EXT2: variants seen among roughly 807,000 people sequenced by gnomAD.
The protein encoded by EXT2 is exostosin-2.
Under a neutral mutation model 81.6 loss-of-function variants are expected in EXT2, and 53 were observed. The observed-to-expected ratio is 0.65, with a 90% CI of 0.52 to 0.82. The LOEUF is 0.82. Ranked by LOEUF, EXT2 falls within the 40% of genes least tolerant of loss-of-function variation. The probability of loss-of-function intolerance (pLI) is 0.00; values close to 1 mark genes in which losing one functional copy is unlikely to be tolerated. For missense variants in EXT2, 774 were observed against 910.2 expected (o/e 0.85, Z 1.93); for synonymous variants, 320 against 340.0 (o/e 0.94, Z 0.65).
chr11:44,171,569 T>A, intron 7 of EXT2, 42 bp from the exon 8 acceptor site: 5 of 1,613,998 alleles, frequency 3.1e-6, no homozygotes, highest in Non-Finnish European at 4.2e-6. Context: ...TTTCCCACTC[T>A]GTCTCGCTTG....
chr11:44,149,326 C>T (rs1954761630), intron 7 of EXT2, among the ~76,000 whole-genome samples: 1 of 152,206 alleles, frequency 6.6e-6, no homozygotes, highest in South Asian at 2.1e-4. Context: ...CATGCCACTG[C>T]ACTTCAGGCA....
chr11:44,124,444 T>C (rs1265428013), intron 4 of EXT2, among the ~76,000 whole-genome samples: 8 of 145,040 alleles, frequency 5.5e-5, no homozygotes, highest in Admixed American at 6.9e-5. Context: ...GTTTCTCTCC[T>C]ACACACACAC....
At chr11:44,200,454 G>A (rs1394621773) in intron 9 of EXT2, among the ~76,000 whole-genome samples, 5 of 152,120 alleles carry the variant, frequency 3.3e-5, no homozygotes, top group African/African-American at 1.2e-4. Context: ...TTTGAGCTTT[G>A]TCAGAAGAAA....
intron 9 of EXT2, among the ~76,000 whole-genome samples, chr11:44,204,369 T>C (rs1248663353): frequency 6.6e-6 from 1 of 152,158 alleles, no homozygotes; most frequent in Non-Finnish European, 1.5e-5. Flanking sequence ...ATACAGTAAA[T>C]AGACAATGTG....
intron 1 of EXT2, among the ~76,000 whole-genome samples, chr11:44,097,084 A>G (rs1326803679): frequency 1.3e-5 from 2 of 152,242 alleles, no homozygotes; most frequent in Non-Finnish European, 2.9e-5. Flanking sequence ...ATATTGGGCC[A>G]GGTACTTAAA....
chr11:44,222,747 A>G (rs900157452), intron 10 of EXT2, among the ~76,000 whole-genome samples: 1 of 152,184 alleles, frequency 6.6e-6, no homozygotes, highest in Non-Finnish European at 1.5e-5. Flanking sequence ...TATGACACCA[A>G]AAGCATGATC....
intron 10 of EXT2, among the ~76,000 whole-genome samples, chr11:44,225,129 T>C (rs1955824573): frequency 1.3e-5 from 2 of 152,222 alleles, no homozygotes; most frequent in South Asian, 4.1e-4. Flanking sequence ...GACCTGATCC[T>C]GACCCATCTC....
At position 44,126,881 on chromosome 11, in the gene EXT2, A is replaced by G. The variant is rs141977888; in HGVS notation, c.1005A>G (p.Leu335=). The change falls in exon 6 of 14, where the codon TTA becomes TTG. Residue 335 remains leucine (L), a synonymous_variant. Transcript: ENST00000533608. ...GCCAGGCAGTATTGAGCGATGTGTTACAAGCTGGCTGTGTCCCGGTTGTCA... is the reference window on the plus strand; with the variant it reads ...GCCAGGCAGTATTGAGCGATGTGTTGCAAGCTGGCTGTGTCCCGGTTGTCA... ...RLGQAVLSDV[L]QAGCVPVVIA... is the part of the protein sequence containing the mutation. 1.1e-4 allele frequency: 175 copies of G among 1,614,154 alleles called. No homozygotes were observed. The African/African-American group carries it at 1.8e-3, about 17-fold the overall frequency.
intron 7 of EXT2, among the ~76,000 whole-genome samples, chr11:44,146,122 G>A (rs1475405200): frequency 2.0e-5 from 3 of 152,150 alleles, no homozygotes; most frequent in Admixed American, 6.5e-5. Flanking sequence ...TCCTCTTCAC[G>A]TGTCGTCCCT....
intron 7 of EXT2, among the ~76,000 whole-genome samples, chr11:44,161,582 G>C (rs1021242477): frequency 2.0e-5 from 3 of 152,060 alleles, no homozygotes; most frequent in Non-Finnish European, 4.4e-5. Flanking sequence ...AAAATAGTGT[G>C]CTAAATTCTT....
intron 10 of EXT2, among the ~76,000 whole-genome samples, chr11:44,212,301 AAAT>A (rs1564978599): frequency 0.087 from 10,746 of 123,970 alleles, 706 homozygotes; most frequent in East Asian, 0.34. Context: ...ATAAAAATAT[AAAT>A]AAATAAATAA....
intron 8 of EXT2, among the ~76,000 whole-genome samples, chr11:44,179,379 A>G (rs1368588865): frequency 6.6e-6 from 1 of 152,202 alleles, no homozygotes; most frequent in Non-Finnish European, 1.5e-5. Context: ...TTGCTTACTT[A>G]GAGTTCACTT....
At position 44,244,706 on chromosome 11, in the gene EXT2, C is replaced by T. The variant is rs963963968; in HGVS notation, c.*419C>T. The T allele has an allele frequency of 7.2e-6, 2 of 276,800 alleles. No homozygotes were observed. The highest frequency in any genetic ancestry group is 1.4e-5 in the Non-Finnish European group (2 of 143,898). The allele number at this position is 276,800 out of a possible 1,614,324, so 17.1% of individuals were successfully genotyped here. A position where few individuals can be genotyped will look rare whatever the true frequency, so the allele number is the denominator to read the frequency against. Reference sequence around the variant, plus strand: ...AATCATGTAAAGGGTACCCAGACCTCACTTTTAGTTATTTACATCAATGAG... The same window carrying T: ...AATCATGTAAAGGGTACCCAGACCTTACTTTTAGTTATTTACATCAATGAG... On this transcript the variant is annotated 3_prime_UTR_variant, in exon 14 of 14. Transcript: ENST00000533608.
chr11:44,239,213 G>A (rs1326329601), intron 13 of EXT2, among the ~76,000 whole-genome samples: 1 of 152,022 alleles, frequency 6.6e-6, no homozygotes, highest in Non-Finnish European at 1.5e-5. Context: ...AAGATTTTGA[G>A]TGGTAGTAGT....
intron 1 of EXT2, among the ~76,000 whole-genome samples, chr11:44,096,586 G>GC (rs1383133730): frequency 6.7e-6 from 1 of 150,044 alleles, no homozygotes; most frequent in African/African-American, 2.5e-5. Flanking sequence ...GGACTAGGTG[G>GC]CCCGGGGGTG....
At chr11:44,222,559 A>G (rs1480718597) in intron 10 of EXT2, among the ~76,000 whole-genome samples, 4 of 152,228 alleles carry the variant, frequency 2.6e-5, no homozygotes, top group African/African-American at 7.2e-5. Flanking sequence ...TTTTCAACAA[A>G]TGGTGCTGAA....
chr11:44,135,413 A>T (rs1392747508), intron 7 of EXT2, among the ~76,000 whole-genome samples: 1 of 142,414 alleles, frequency 7.0e-6, no homozygotes, highest in Non-Finnish European at 1.5e-5. Flanking sequence ...TTTTTTTGAG[A>T]CAGAGGCTCG....
chr11:44,132,048 C>CT (rs1954501421), intron 7 of EXT2, among the ~76,000 whole-genome samples: 1 of 152,162 alleles, frequency 6.6e-6, no homozygotes, highest in African/African-American at 2.4e-5. Flanking sequence ...CTTTGTGTTA[C>CT]TTTTTATGGA....
intron 10 of EXT2, among the ~76,000 whole-genome samples, chr11:44,225,563 C>G (rs1360353256): frequency 1.3e-5 from 2 of 152,232 alleles, no homozygotes; most frequent in Non-Finnish European, 2.9e-5. Context: ...ATATCTGCCA[C>G]TGGCACCACA....
Sources: gnomAD v4.1 joint callset for allele counts (sites outside exome capture counted in the v4.1 genomes callset) on GRCh38, gnomAD v4.1.1 for gene constraint, MANE v1.5 for transcripts, NCBI Gene and HGNC (gene_info 2026-07-23, HGNC 2026-07-21) for gene names.